Variants in CR1 observed in about 807,000 individuals in gnomAD.
CR1 encodes the protein complement C3b/C4b receptor 1 (Knops blood group), also known as complement receptor type 1.
A neutral mutation model predicts 187.3 loss-of-function variants in CR1; 116 were observed. The observed-to-expected ratio is 0.62, with a 90% CI of 0.53 to 0.72. CR1 has a LOEUF of 0.72. Ranked by LOEUF, CR1 falls within the 30% of genes least tolerant of loss-of-function variation. The pLI is 0.00. For missense variants in CR1, 1,731 were observed against 2,110.7 expected, an observed-to-expected ratio of 0.82 and a Z score of 3.52; for synonymous variants, 576 against 747.1, an observed-to-expected ratio of 0.77 and a Z score of 3.73.
chr1:207,576,060 C>T (rs898497014), intron 28 of CR1, among the ~76,000 whole-genome samples: 13 of 152,214 alleles, frequency 8.5e-5, no homozygotes, highest in African/African-American at 3.1e-4. Context: ...GATATTCAAG[C>T]CATGCAGCTC....
intron 41 of CR1, among the ~76,000 whole-genome samples, chr1:207,617,505 A>ATG (rs1372885484): frequency 0.021 from 844 of 40,838 alleles, 97 homozygotes; most frequent in East Asian, 0.18. Context: ...ATATATATAT[A>ATG]TATGTGTGTG....
Position 207,609,708 on chromosome 1 carries a change from A to G in CR1, c.6295+20A>G. ...CCAGGGGTGAGTGTGACCCATCAAG[A>G]CTTTGCTGGGTGTGAGGGTACGTAT... On this transcript the variant is annotated intron_variant, in intron 37 of 46. Coordinates refer to ENST00000367049, the MANE Select transcript of CR1 (RefSeq NM_000651.6). The G allele has an allele frequency of 6.5e-7, 1 of 1,541,058 alleles. No homozygotes were observed. The highest frequency in any genetic ancestry group is 8.7e-7 in the Non-Finnish European group (1 of 1,146,712).
intron 41 of CR1, among the ~76,000 whole-genome samples, chr1:207,617,600 TATATATATATATAGAGAGAGAGAGAGAG>T (rs1280987516): frequency 0.037 from 1,226 of 32,772 alleles, 15 homozygotes; most frequent in East Asian, 0.079. Context: ...TATATATATA[TATATATATATATAGAGAGAGAGAGAGAG>T]AGAGAGAGAG....
In CR1 at chr1:207,522,345, C is replaced by T. The variant is rs150531546; in HGVS notation, c.488-1266C>T. Among the ~76,000 whole-genome samples the T allele has an allele frequency of 1.0e-3, 154 of 152,334 alleles. 1 individual carries two copies. The East Asian group carries it at 0.028, about 28-fold the overall frequency. On this transcript the variant is annotated intron_variant, in intron 4 of 46. Transcript: ENST00000367049. ...AGACAGCAAATTTATTTTCAGTTAA[C>T]CCTGATTACCAGGGCCTAGTTCTTG...
chr1:207,605,153 G>A (rs1007070873), intron 35 of CR1, among the ~76,000 whole-genome samples: 4 of 151,632 alleles, frequency 2.6e-5, no homozygotes, highest in Admixed American at 6.6e-5. Context: ...CCAGCTACTC[G>A]GGAGGCTAAG....
At position 207,572,575 on chromosome 1, in the gene CR1, A is replaced by G. The variant is rs1007289842; in HGVS notation, c.4451+2629A>G. 1.3e-5 allele frequency among the ~76,000 whole-genome samples: 2 copies of G among 151,754 alleles called. 1 individual carries two copies. Among genetic ancestry groups the G allele is most frequent in the African/African-American group, 4.9e-5 (2 of 41,146 alleles). On this transcript the variant is annotated intron_variant, in intron 27 of 46. Coordinates refer to ENST00000367049, the MANE Select transcript of CR1 (RefSeq NM_000651.6). Reference sequence around the variant, plus strand: ...ATAAACACAACTTTTAGACTCACTGAGAAATCAAAAAATTCATCTGACTCA... The same window carrying G: ...ATAAACACAACTTTTAGACTCACTGGGAAATCAAAAAATTCATCTGACTCA...
intron 36 of CR1, 73 bp from the exon 37 acceptor site, chr1:207,609,217 G>C: frequency 7.8e-7 from 1 of 1,286,100 alleles, no homozygotes. Context: ...ATTTGCATTT[G>C]GTATTTAAAT....
chr1:207,596,057 ATATATCTATATC>A (rs61129485), intron 35 of CR1, among the ~76,000 whole-genome samples: 1 of 146,160 alleles, frequency 6.8e-6, no homozygotes, highest in South Asian at 2.1e-4. Flanking sequence ...CTATATCTAT[ATATATCTATATC>A]TATATCTATA....
At chr1:207,614,307 G>C in intron 39 of CR1, 97 bp from the exon 40 acceptor site, 4 of 920,456 alleles carry the variant, frequency 4.3e-6, no homozygotes, top group Non-Finnish European at 6.9e-6. Context: ...TAGTCGAGGA[G>C]GAAATGGTAG....
At chr1:207,580,990 G>T (rs1478473750) in intron 31 of CR1, among the ~76,000 whole-genome samples, 2 of 152,092 alleles carry the variant, frequency 1.3e-5, no homozygotes, top group African/African-American at 4.8e-5. Context: ...CAACTCATTT[G>T]ATTTCTCACT....
intron 45 of CR1, among the ~76,000 whole-genome samples, chr1:207,624,283 A>C (rs1203881195): frequency 6.6e-6 from 1 of 152,138 alleles, no homozygotes; most frequent in Non-Finnish European, 1.5e-5. Flanking sequence ...GATCTGAATA[A>C]AGAAACGTCT....
chr1:207,632,259 G>A (rs1257896531), intron 46 of CR1, among the ~76,000 whole-genome samples: 1 of 152,106 alleles, frequency 6.6e-6, no homozygotes, highest in African/African-American at 2.4e-5. Flanking sequence ...AAGCTTTAAT[G>A]TTTATCTGGC....
intron 45 of CR1, 46 bp downstream of exon 45, chr1:207,623,114 C>T: frequency 1.5e-6 from 2 of 1,334,958 alleles, no homozygotes; most frequent in Non-Finnish European, 2.1e-6. Context: ...TGTACTTACC[C>T]CCTCTTGGAA....
chr1:207,617,600 TATATATATATATAGAGAGAGAG>T (rs1255557675), intron 41 of CR1, among the ~76,000 whole-genome samples: 461 of 32,960 alleles, frequency 0.014, 2 homozygotes, highest in Middle Eastern at 0.066. Flanking sequence ...TATATATATA[TATATATATATATAGAGAGAGAG>T]AGAGAGAGAG....
At chr1:207,619,395 G>C (rs1389870130) in intron 42 of CR1, among the ~76,000 whole-genome samples, 1 of 136,232 alleles carries the variant, frequency 7.3e-6, no homozygotes, top group African/African-American at 2.7e-5. Context: ...AAAAAAAAAA[G>C]AAAAAGAAAA....
chr1:207,565,717 A>C, intron 23 of CR1, 121 bp from the exon 24 acceptor site: 2 of 1,324,710 alleles, frequency 1.5e-6, no homozygotes, highest in Admixed American at 1.8e-5. Context: ...AGCCTGTGCA[A>C]CTCTGCCATC....
chr1:207,614,887 G>T (rs1428334774), intron 40 of CR1, among the ~76,000 whole-genome samples: 1 of 152,088 alleles, frequency 6.6e-6, no homozygotes, highest in Non-Finnish European at 1.5e-5. Flanking sequence ...ACAGCTCACT[G>T]CAGCCTCAAC....
In CR1 at chr1:207,598,302, A is replaced by T. The variant is rs188747072; in HGVS notation, c.5811-8949A>T. ...ATTTTTAAATATATCATGTGATATT[A>T]GGAAAGAAAAAAACAGATAACAGTA... is the stretch of plus-strand genomic sequence containing the variant. On this transcript the variant is annotated intron_variant, in intron 35 of 46. Transcript: ENST00000367049. Among the ~76,000 whole-genome samples the T allele has an allele frequency of 4.4e-4, 67 of 152,350 alleles. 1 individual carries two copies. The highest frequency in any genetic ancestry group is 1.6e-3 in the African/African-American group (65 of 41,598).
chr1:207,508,372 G>A (rs1217937828), intron 3 of CR1, among the ~76,000 whole-genome samples: 4 of 152,218 alleles, frequency 2.6e-5, no homozygotes, highest in Non-Finnish European at 4.4e-5. Flanking sequence ...TTTATAATAG[G>A]GGAGGTTATC....
Sources: allele counts gnomAD v4.1 joint callset (sites outside exome capture counted in the v4.1 genomes callset), GRCh38; gene constraint gnomAD v4.1.1; transcripts MANE v1.5; gene names NCBI Gene and HGNC (gene_info 2026-07-23, HGNC 2026-07-21).